The following ZNF431 variants were observed in gnomAD, a reference collection of about 807,000 sequenced individuals.
ZNF431 encodes the protein zinc finger protein 431.
In ZNF431, 34 loss-of-function variants were observed where a neutral mutation model predicts 57.0. The ratio of observed to expected loss-of-function variants is 0.60; its 90% CI spans 0.45 to 0.79. The LOEUF (loss-of-function observed/expected upper bound fraction) is 0.79, where lower values mean the gene tolerates loss of function less well. Ranked by LOEUF, ZNF431 falls within the 30% of genes least tolerant of loss-of-function variation. The probability of loss-of-function intolerance (pLI) is 0.00; values close to 1 mark genes in which losing one functional copy is unlikely to be tolerated. For synonymous variants in ZNF431, 207 were observed against 220.3 expected, an observed-to-expected ratio of 0.94 and a Z score of 0.54; for missense variants, 607 against 667.1, an observed-to-expected ratio of 0.91 and a Z score of 0.99.
intron 2 of ZNF431, chr19:21,150,934 G>A (rs1207863616): frequency 1.4e-5 from 2 of 144,372 alleles, no homozygotes; most frequent in African/African-American, 5.5e-5. Flanking sequence ...GTTTCATGAG[G>A]AAAAAGTGTT....
rs1280208838 is a variant in ZNF431 at position 21,189,821 on chromosome 19, TCATC to T, written c.*5791_*5794del. On this transcript the variant is annotated 3_prime_UTR_variant, in exon 5 of 5. Transcript: ENST00000311048. ...CCAACTAATACAATGTCCTCCAACT[TCATC>T]CATGTGATTGAGAATAATAGTTTTT... 3 of 397,402 alleles carry T rather than the reference TCATC, an allele frequency of 7.5e-6. No homozygotes were observed. The highest frequency in any genetic ancestry group is 1.3e-5 in the Non-Finnish European group (3 of 225,804). The allele number at this position is 397,402 out of a possible 1,614,324, so 24.6% of individuals were successfully genotyped here. A position where few individuals can be genotyped will look rare whatever the true frequency, so the allele number is the denominator to read the frequency against.
intron 4 of ZNF431, among the ~76,000 whole-genome samples, chr19:21,170,661 TTTTTTC>T (rs1287735775): frequency 2.0e-5 from 3 of 151,870 alleles, no homozygotes; most frequent in South Asian, 2.1e-4. Context: ...CTTTTCTTTT[TTTTTTC>T]TTTTCTTTTC....
intron 2 of ZNF431, chr19:21,149,804 G>A: frequency 1.5e-6 from 1 of 647,026 alleles, no homozygotes; most frequent in Non-Finnish European, 2.9e-6. Context: ...CTTAGCCAAA[G>A]CACCTTTGTC....
In ZNF431 at chr19:21,159,588, G is replaced by A. The variant is rs138450568; in HGVS notation, c.97-6747G>A. On this transcript the variant is annotated intron_variant, in intron 2 of 4. Coordinates refer to ENST00000311048, the MANE Select transcript of ZNF431 (RefSeq NM_133473.4). ...GGTTTTCACCATGTTGGCCAGGATC[G>A]TCTTGATCTCTTGACCTCATGATCT... Among the ~76,000 whole-genome samples, 629 of 152,170 alleles carry A rather than the reference G, an allele frequency of 4.1e-3. 4 individuals carry two copies. The highest frequency in any genetic ancestry group is 0.014 in the African/African-American group (581 of 41,522).
chr19:21,143,178 G>T (rs936185774), intron 1 of ZNF431, among the ~76,000 whole-genome samples: 2 of 151,706 alleles, frequency 1.3e-5, no homozygotes, highest in Admixed American at 6.6e-5. Flanking sequence ...TTTCTATACC[G>T]TATTTTAATT....
chr19:21,183,079 C>T lies in ZNF431; in HGVS notation c.776C>T (p.Pro259Leu). ...AAGAGAATTCATACTGGAGAGAAACCCTTCAAATGTGAAGAATGTGGCAAA... is the reference window on the plus strand; with the variant it reads ...AAGAGAATTCATACTGGAGAGAAACTCTTCAAATGTGAAGAATGTGGCAAA... ...RHKRIHTGEK[P>L]FKCEECGKAF... Residue 259 changes from proline to leucine, a missense_variant, in exon 5 of 5, where the codon CCC becomes CTC. Transcript: ENST00000311048. 1 of 1,613,982 alleles carries T rather than the reference C, an allele frequency of 6.2e-7. No homozygotes were observed. The highest frequency in any genetic ancestry group is 8.5e-7 in the Non-Finnish European group (1 of 1,179,954).
rs1294602464 is a variant in ZNF431 at position 21,188,521 on chromosome 19, G to A, written c.*4487G>A. ...TTTATTTTTAAGTGTGAGTGTTAAA[G>A]GTTACAAAATAATGAAATGACTTCA... On this transcript the variant is annotated 3_prime_UTR_variant, in exon 5 of 5. Coordinates refer to ENST00000311048, the MANE Select transcript of ZNF431 (RefSeq NM_133473.4). 1 of 152,060 alleles carries A rather than the reference G, an allele frequency of 6.6e-6. No homozygotes were observed. Among genetic ancestry groups the A allele is most frequent in the Non-Finnish European group, 1.5e-5 (1 of 68,008 alleles). 9.4% of individuals were successfully genotyped at this position (152,060 alleles called of 1,614,324 possible).
intron 2 of ZNF431, among the ~76,000 whole-genome samples, chr19:21,165,354 C>T (rs1970693394): frequency 6.6e-6 from 1 of 152,114 alleles, no homozygotes; most frequent in Admixed American, 6.6e-5. Context: ...TAAGAGATAC[C>T]TGCTCTCTAG....
At chr19:21,144,502 C>G (rs933183974) in intron 2 of ZNF431, among the ~76,000 whole-genome samples, 1 of 151,942 alleles carries the variant, frequency 6.6e-6, no homozygotes, top group African/African-American at 2.4e-5. Flanking sequence ...CTGTGCCTGG[C>G]AGGTAGGAAA....
Position 21,184,762 on chromosome 19 carries a change from G to C in ZNF431, c.*728G>C, listed in dbSNP as rs915080586. Reference sequence around the variant, plus strand: ...ATCTGCTCACATTTTACTCAACACAGAGAGTTCCTGCTTAATAAAAGCATT... The same window carrying C: ...ATCTGCTCACATTTTACTCAACACACAGAGTTCCTGCTTAATAAAAGCATT... On this transcript the variant is annotated 3_prime_UTR_variant, in exon 5 of 5. Coordinates refer to ENST00000311048, the MANE Select transcript of ZNF431 (RefSeq NM_133473.4). The C allele has an allele frequency of 2.7e-5, 4 of 149,020 alleles. No individual in the cohort carries two copies. The highest frequency in any genetic ancestry group is 6.8e-5 in the Admixed American group (1 of 14,736). 9.2% of individuals were successfully genotyped at this position (149,020 alleles called of 1,614,324 possible). A position where few individuals can be genotyped will look rare whatever the true frequency, so the allele number is the denominator to read the frequency against.
At chr19:21,160,018 G>C (rs1360222598) in intron 2 of ZNF431, among the ~76,000 whole-genome samples, 14 of 142,552 alleles carry the variant, frequency 9.8e-5, no homozygotes, top group African/African-American at 3.1e-4. Context: ...ATATTACTTA[G>C]AGTATGCTAG....
At chr19:21,160,361 A>C (rs1225895785) in intron 2 of ZNF431, among the ~76,000 whole-genome samples, 1 of 152,200 alleles carries the variant, frequency 6.6e-6, no homozygotes, top group African/African-American at 2.4e-5. Context: ...AAGTTTAAAC[A>C]AGCATCTTAA....
chr19:21,175,297 C>T (rs1971019141), intron 4 of ZNF431, among the ~76,000 whole-genome samples: 1 of 151,708 alleles, frequency 6.6e-6, no homozygotes, highest in African/African-American at 2.4e-5. Flanking sequence ...TTAAAGTGAT[C>T]AGCTCCCTTG....
rs1341444997 is a variant in ZNF431 at position 21,192,510 on chromosome 19, A to G, written c.*8476A>G. 1 of 152,064 alleles carries G rather than the reference A, an allele frequency of 6.6e-6. No individual in the cohort carries two copies. Among genetic ancestry groups the G allele is most frequent in the South Asian group, 2.1e-4 (1 of 4,830 alleles). The allele number at this position is 152,064 out of a possible 1,614,324, so 9.4% of individuals were successfully genotyped here. A position where few individuals can be genotyped will look rare whatever the true frequency, so the allele number is the denominator to read the frequency against. ...TTACTAAGGTCTTAGGCTTTTTTAT[A>G]CTTCAGATTATGTATAGGGATAAAA... On this transcript the variant is annotated 3_prime_UTR_variant, in exon 5 of 5. Transcript: ENST00000311048.
rs1971492274 is a variant in ZNF431, at chr19:21,190,698, T to C, written c.*6664T>C. On this transcript the variant is annotated 3_prime_UTR_variant, in exon 5 of 5. Transcript: ENST00000311048. The stretch of plus-strand genomic sequence containing the variant: ...TCTTTTTGAGATGGAGTTTTGTTCT[T>C]GTTGCCCAGGCTGGAGTGCAATGGC... 1 of 151,836 alleles carries C rather than the reference T, an allele frequency of 6.6e-6. No homozygotes were observed. Among genetic ancestry groups the C allele is most frequent in the East Asian group, 1.9e-4 (1 of 5,188 alleles). 9.4% of individuals were successfully genotyped at this position (151,836 alleles called of 1,614,324 possible).
At chr19:21,150,835 C>T (rs567437668) in intron 2 of ZNF431, among the ~76,000 whole-genome samples, 2 of 152,132 alleles carry the variant, frequency 1.3e-5, no homozygotes, top group Admixed American at 1.3e-4. Flanking sequence ...TTTCTGATAC[C>T]CCCCAAAGTC....
chr19:21,142,278 G>A, intron 1 of ZNF431, 92 bp downstream of exon 1: 1 of 1,564,826 alleles, frequency 6.4e-7, no homozygotes, highest in Non-Finnish European at 8.8e-7. Flanking sequence ...CCTCCCCGCA[G>A]TCAGCTCCAC....
chr19:21,148,635 A>G (rs188833045), intron 2 of ZNF431, among the ~76,000 whole-genome samples: 131 of 152,306 alleles, frequency 8.6e-4, no homozygotes, highest in African/African-American at 2.9e-3. Context: ...GTCTTCTTAT[A>G]TAACCTTTTA....
At chr19:21,167,035 A>G (rs1970737910) in intron 3 of ZNF431, among the ~76,000 whole-genome samples, 5 of 151,906 alleles carry the variant, frequency 3.3e-5, no homozygotes, top group Admixed American at 3.3e-4. Flanking sequence ...AAATTTTTGT[A>G]TTAGTAGATA....
Sources: allele counts gnomAD v4.1 joint callset (sites outside exome capture counted in the v4.1 genomes callset), GRCh38; gene constraint gnomAD v4.1.1; transcripts MANE v1.5; gene names NCBI Gene and HGNC (gene_info 2026-07-23, HGNC 2026-07-21).